ADAMTSL3: variants seen among roughly 807,000 people sequenced by gnomAD.
ADAMTSL3 encodes ADAMTS like 3.
In ADAMTSL3, 128 loss-of-function variants were observed where a neutral mutation model predicts 201.7. The ratio of observed to expected loss-of-function variants is 0.63; its 90% CI spans 0.55 to 0.73. ADAMTSL3 has a LOEUF of 0.73. ADAMTSL3 is among the 30% of genes least tolerant of loss of function. The pLI is 0.00. For missense variants in ADAMTSL3, 1,990 were observed against 2,119.6 expected, an observed-to-expected ratio of 0.94 and a Z score of 1.20; for synonymous variants, 738 against 748.4, an observed-to-expected ratio of 0.99 and a Z score of 0.23.
chr15:83,746,528 C>A, intron 3 of ADAMTSL3, among the ~76,000 whole-genome samples: 1 of 152,058 alleles, frequency 6.6e-6, no homozygotes, highest in Non-Finnish European at 1.5e-5. Context: ...TCAAAATCAC[C>A]AGCTCTTGAA....
In ADAMTSL3 at chr15:83,897,994, A is replaced by G. The variant is rs764554786; in HGVS notation, c.1604A>G (p.Tyr535Cys). The G allele has an allele frequency of 1.2e-6, 2 of 1,613,468 alleles. No homozygotes were observed. Among genetic ancestry groups the G allele is most frequent in the Non-Finnish European group, 1.7e-6 (2 of 1,179,644 alleles). Residue 535 changes from tyrosine to cysteine, a missense_variant, in exon 14 of 30, where the codon TAT (tyrosine) becomes TGT (cysteine). Transcript: ENST00000286744. ...KEECVIPIPC[Y>C]KPKEKSPVEA... Reference sequence around the variant, plus strand: ...GAATGTGTCATTCCCATCCCGTGTTATAAACCAAAAGGTAAGTCTGTGGTG... The same window carrying G: ...GAATGTGTCATTCCCATCCCGTGTTGTAAACCAAAAGGTAAGTCTGTGGTG...
intron 4 of ADAMTSL3, among the ~76,000 whole-genome samples, chr15:83,797,969 A>C (rs1274675773): frequency 1.3e-5 from 2 of 152,232 alleles, no homozygotes; most frequent in Non-Finnish European, 2.9e-5. Flanking sequence ...AAAATTGATC[A>C]ATGAAGAATA....
intron 17 of ADAMTSL3, among the ~76,000 whole-genome samples, chr15:83,939,806 G>A (rs2066523274): frequency 6.6e-6 from 1 of 151,886 alleles, no homozygotes; most frequent in South Asian, 2.1e-4. Context: ...GTTTTCAGTG[G>A]CGATGGGGTT....
Position 83,660,356 on chromosome 15 carries a change from C to T in ADAMTSL3, c.69+4526C>T, listed in dbSNP as rs2061145686. Among the ~76,000 whole-genome samples, 5 of 152,280 alleles carry T rather than the reference C, an allele frequency of 3.3e-5. No homozygotes were observed. The South Asian group carries it at 1.0e-3, about 32-fold the overall frequency. ...CAATCATGGGCAGTGAGGATGGAAT[C>T]CTAAGGAAGGTAGTCCTGGGTCAGG... On this transcript the variant is annotated intron_variant, in intron 2 of 29. Coordinates refer to ENST00000286744, the MANE Select transcript of ADAMTSL3 (RefSeq NM_207517.3).
intron 3 of ADAMTSL3, among the ~76,000 whole-genome samples, chr15:83,771,125 T>C (rs1308032814): frequency 6.6e-6 from 1 of 151,312 alleles, no homozygotes. Context: ...CATTGATTTG[T>C]GGTGCTATAC....
chr15:83,677,413 TTCAGTTTTA>T (rs1446486249), intron 2 of ADAMTSL3, among the ~76,000 whole-genome samples: 11 of 152,110 alleles, frequency 7.2e-5, no homozygotes, highest in Admixed American at 2.6e-4. Context: ...TAATTTTTCT[TTCAGTTTTA>T]TCAGTTTTTG....
At chr15:83,691,639 T>A (rs1470197308) in intron 2 of ADAMTSL3, among the ~76,000 whole-genome samples, 3 of 152,230 alleles carry the variant, frequency 2.0e-5, no homozygotes, top group Admixed American at 6.5e-5. Flanking sequence ...TATTTTGAGA[T>A]GGAGTTTCAT....
intron 3 of ADAMTSL3, among the ~76,000 whole-genome samples, chr15:83,765,109 G>A (rs951119938): frequency 1.4e-4 from 21 of 152,152 alleles, no homozygotes; most frequent in South Asian, 4.2e-4. Flanking sequence ...ACAGAGGTAC[G>A]GAGCATTTCT....
intron 23 of ADAMTSL3, among the ~76,000 whole-genome samples, chr15:84,008,240 G>A (rs1015380054): frequency 1.3e-5 from 2 of 152,062 alleles, no homozygotes; most frequent in African/African-American, 4.8e-5. Context: ...CTCCCGAGAA[G>A]CTGGGATTAC....
At chr15:83,698,561 C>A (rs776650329) in intron 2 of ADAMTSL3, among the ~76,000 whole-genome samples, 3 of 152,186 alleles carry the variant, frequency 2.0e-5, no homozygotes, top group Non-Finnish European at 4.4e-5. Context: ...CTCCTGCTTT[C>A]CCTCCAACTT....
intron 2 of ADAMTSL3, among the ~76,000 whole-genome samples, chr15:83,677,396 T>C (rs189739122): frequency 6.6e-6 from 1 of 152,152 alleles, no homozygotes; most frequent in African/African-American, 2.4e-5. Context: ...TATAGTTTCA[T>C]TGAGTATAAT....
intron 9 of ADAMTSL3, 149 bp from the exon 10 acceptor site, chr15:83,884,952 A>G: frequency 3.4e-6 from 2 of 585,338 alleles, no homozygotes; most frequent in East Asian, 2.9e-5. Context: ...ATGTCATCAC[A>G]TCTTAAACTT....
intron 15 of ADAMTSL3, among the ~76,000 whole-genome samples, chr15:83,905,863 T>C (rs1403985621): frequency 2.6e-5 from 4 of 152,190 alleles, no homozygotes; most frequent in African/African-American, 9.6e-5. Context: ...GCTTGCCTTT[T>C]TCCCCATACG....
intron 15 of ADAMTSL3, among the ~76,000 whole-genome samples, chr15:83,912,820 T>G (rs947753783): frequency 6.6e-6 from 1 of 152,224 alleles, no homozygotes; most frequent in African/African-American, 2.4e-5. Flanking sequence ...ACCTTTATAA[T>G]TTTGCAAAGG....
At chr15:83,857,688 T>C (rs1228983850) in intron 7 of ADAMTSL3, among the ~76,000 whole-genome samples, 1 of 152,232 alleles carries the variant, frequency 6.6e-6, no homozygotes, top group African/African-American at 2.4e-5. Context: ...TTTTTGTTTA[T>C]CTACATTTTC....
intron 2 of ADAMTSL3, among the ~76,000 whole-genome samples, chr15:83,670,258 C>CAAAAAAAAAAAAAAAAAAAAAAAAAAAA (rs60947988): frequency 1.5e-5 from 1 of 64,522 alleles, no homozygotes; most frequent in Non-Finnish European, 2.7e-5. Context: ...ACTCTGTCTC[C>CAAAAAAAAAAAAAAAAAAAAAAAAAAAA]AAAAAAAAAA....
chr15:83,865,812 C>G (rs1027176219), intron 8 of ADAMTSL3, among the ~76,000 whole-genome samples: 3 of 152,164 alleles, frequency 2.0e-5, no homozygotes, highest in African/African-American at 7.2e-5. Flanking sequence ...CAACTACCAT[C>G]AGAGTGAACA....
intron 3 of ADAMTSL3, chr15:83,717,498 T>C (rs1041264619): frequency 1.3e-5 from 2 of 152,130 alleles, no homozygotes; most frequent in African/African-American, 2.4e-5. Flanking sequence ...TGTACAAGGA[T>C]GATATGAAAT....
chr15:83,771,371 GA>G (rs2062981213), intron 3 of ADAMTSL3, among the ~76,000 whole-genome samples: 1 of 152,164 alleles, frequency 6.6e-6, no homozygotes, highest in African/African-American at 2.4e-5. Flanking sequence ...GTACAATGTT[GA>G]AAAGCAGATC....
Sources: allele counts gnomAD v4.1 joint callset (sites outside exome capture counted in the v4.1 genomes callset), GRCh38; gene constraint gnomAD v4.1.1; transcripts MANE v1.5; gene names NCBI Gene and HGNC (gene_info 2026-07-23, HGNC 2026-07-21).